AVL9: variants seen among roughly 807,000 people sequenced by gnomAD.
The protein encoded by AVL9 is AVL9 cell migration associated.
Under a neutral mutation model 79.2 loss-of-function variants are expected in AVL9, and 49 were observed. The observed-to-expected ratio is 0.62, with a 90% CI of 0.49 to 0.79. The LOEUF is 0.79. AVL9 is among the 30% of genes least tolerant of loss of function. AVL9 has a pLI of 0.00. For missense variants in AVL9, 682 were observed against 776.8 expected (o/e 0.88, Z 1.45); for synonymous variants, 299 against 280.6 (o/e 1.07, Z -0.65).
At chr7:32,558,452 G>T in intron 8 of AVL9, 107 bp from the exon 9 acceptor site, 1 of 813,896 alleles carries the variant, frequency 1.2e-6, no homozygotes, top group Non-Finnish European at 1.9e-6. Flanking sequence ...CACTGCGCCC[G>T]GCCAGCTGTT....
At chr7:32,506,763 A>G (rs758957154) in intron 1 of AVL9, among the ~76,000 whole-genome samples, 68 of 152,112 alleles carry the variant, frequency 4.5e-4, no homozygotes, top group Non-Finnish European at 9.0e-4. Flanking sequence ...AAAAAAAGAA[A>G]GTGAAACTGC....
In AVL9 at chr7:32,586,472, C is replaced by CCACACACA. The variant is rs1554350212; in HGVS notation, c.*2570_*2577dup. 16 of 142,958 alleles carry CCACACACA rather than the reference C, an allele frequency of 1.1e-4. No individual in the cohort carries two copies. Among genetic ancestry groups the CCACACACA allele is most frequent in the African/African-American group, 3.9e-4 (15 of 38,728 alleles). 8.9% of individuals were successfully genotyped at this position (142,958 alleles called of 1,614,324 possible). On this transcript the variant is annotated 3_prime_UTR_variant, in exon 16 of 16. Coordinates refer to ENST00000318709, the MANE Select transcript of AVL9 (RefSeq NM_015060.3). Reference sequence around the variant, plus strand: ...CCCCTGGTCCTGTGACCCCCCCCCCCCACACACACACATACTTCAGGCTTG... The same window carrying CCACACACA: ...CCCCTGGTCCTGTGACCCCCCCCCCCCACACACACACACACACACATACTTCAGGCTTG...
chr7:32,515,472 C>T lies in AVL9; in HGVS notation c.93+19670C>T, dbSNP rs112694595. ...CAAAGTGTATTTTGCTGTACAACTC[C>T]TTTTCTAGAGTTTTACTTGCTTCCA... On this transcript the variant is annotated intron_variant, in intron 1 of 15. Coordinates refer to ENST00000318709, the MANE Select transcript of AVL9 (RefSeq NM_015060.3). Among the ~76,000 whole-genome samples the T allele has an allele frequency of 3.4e-3, 512 of 152,288 alleles. 1 individual carries two copies. The highest frequency in any genetic ancestry group is 6.8e-3 in the Middle Eastern group (2 of 294).
Position 32,495,511 on chromosome 7 carries a change from C to G in AVL9, c.-199C>G. The stretch of plus-strand genomic sequence containing the variant: ...GCCGTGTCAGGTGACAGCCCGGAAG[C>G]TGCGGAAGCGGATGAGGGAAGGGCG... On this transcript the variant is annotated 5_prime_UTR_variant, in exon 1 of 16. Transcript: ENST00000318709. The G allele has an allele frequency of 2.5e-6, 1 of 392,900 alleles. No individual in the cohort carries two copies. The highest frequency in any genetic ancestry group is 4.5e-6 in the Non-Finnish European group (1 of 222,002). The allele number at this position is 392,900 out of a possible 1,614,324, so 24.3% of individuals were successfully genotyped here.
chr7:32,548,140 ATC>A (rs1207730971), intron 3 of AVL9, among the ~76,000 whole-genome samples: 1 of 72,694 alleles, frequency 1.4e-5, no homozygotes, highest in African/African-American at 5.3e-5. Flanking sequence ...TGTTTTTGTC[ATC>A]TCTTTTTTCT....
intron 10 of AVL9, among the ~76,000 whole-genome samples, chr7:32,568,785 T>C (rs546540484): frequency 6.6e-6 from 1 of 152,306 alleles, no homozygotes; most frequent in Non-Finnish European, 1.5e-5. Flanking sequence ...AAACATACTT[T>C]TTAGTTTTGT....
chr7:32,508,994 T>C (rs970458512), intron 1 of AVL9, among the ~76,000 whole-genome samples: 1 of 152,246 alleles, frequency 6.6e-6, no homozygotes, highest in Non-Finnish European at 1.5e-5. Flanking sequence ...AAATATCTTT[T>C]GGAGTTTTGA....
At position 32,579,583 on chromosome 7, in the gene AVL9, A is replaced by ATG. The variant is rs1554348236; in HGVS notation, c.1689-635_1689-634insGT. ...TATATTATATATTATATTATATATTATATATTATATATTATATATTATATT... is the reference window on the plus strand; with the variant it reads ...TATATTATATATTATATTATATATTATGTATATTATATATTATATATTATATT... On this transcript the variant is annotated intron_variant, in intron 13 of 15. Transcript: ENST00000318709. Among the ~76,000 whole-genome samples, 17 of 12,976 alleles carry ATG rather than the reference A, an allele frequency of 1.3e-3. 2 individuals are homozygous for ATG. The highest frequency in any genetic ancestry group is 5.8e-3 in the Admixed American group (3 of 520). 8.5% of individuals were successfully genotyped at this position (12,976 alleles called of 152,430 possible).
intron 1 of AVL9, among the ~76,000 whole-genome samples, chr7:32,513,435 T>A (rs1325744142): frequency 2.0e-5 from 3 of 152,340 alleles, no homozygotes; most frequent in African/African-American, 7.2e-5. Flanking sequence ...TGATAAAACC[T>A]CCGCAACCCC....
At chr7:32,579,357 T>C (rs1220077110) in intron 13 of AVL9, among the ~76,000 whole-genome samples, 1 of 87,150 alleles carries the variant, frequency 1.1e-5, no homozygotes, top group Non-Finnish European at 2.1e-5. Flanking sequence ...TTATATAATA[T>C]ATAACATATA....
At chr7:32,579,586 TATTA>T (rs1306902859) in intron 13 of AVL9, among the ~76,000 whole-genome samples, 4 of 10,428 alleles carry the variant, frequency 3.8e-4, no homozygotes, top group African/African-American at 7.3e-4. Context: ...ATATATTATA[TATTA>T]TATATTATAT....
In AVL9 at chr7:32,587,469, C is replaced by T. The variant is rs1791848447; in HGVS notation, c.*3562C>T. The T allele has an allele frequency of 6.6e-6, 1 of 152,230 alleles. No homozygotes were observed. Among genetic ancestry groups the T allele is most frequent in the Non-Finnish European group, 1.5e-5 (1 of 68,052 alleles). 9.4% of individuals were successfully genotyped at this position (152,230 alleles called of 1,614,324 possible). Reference sequence around the variant, plus strand: ...AGAGCCAGTGATGAGTGTGGGAGCACTTCAGCTCTGTAAGGGGCCAGCGTT... The same window carrying T: ...AGAGCCAGTGATGAGTGTGGGAGCATTTCAGCTCTGTAAGGGGCCAGCGTT... On this transcript the variant is annotated 3_prime_UTR_variant, in exon 16 of 16. Transcript: ENST00000318709.
chr7:32,525,444 C>T (rs762595059), intron 1 of AVL9, among the ~76,000 whole-genome samples: 3 of 152,140 alleles, frequency 2.0e-5, no homozygotes, highest in Non-Finnish European at 4.4e-5. Flanking sequence ...AATCATCAGG[C>T]AAAGTATAAT....
chr7:32,496,603 CTG>C (rs1786825675), intron 1 of AVL9, among the ~76,000 whole-genome samples: 1 of 152,188 alleles, frequency 6.6e-6, no homozygotes, highest in African/African-American at 2.4e-5. Flanking sequence ...CAAGCAAACA[CTG>C]GAAGGGAATG....
intron 2 of AVL9, among the ~76,000 whole-genome samples, chr7:32,544,024 G>T (rs1409728115): frequency 6.6e-5 from 10 of 151,784 alleles, no homozygotes; most frequent in Non-Finnish European, 1.5e-4. Context: ...CTTCCCAGTA[G>T]CTGTGGTTAT....
At chr7:32,526,549 AC>A (rs1425927100) in intron 1 of AVL9, among the ~76,000 whole-genome samples, 3 of 152,046 alleles carry the variant, frequency 2.0e-5, no homozygotes, top group Non-Finnish European at 2.9e-5. Flanking sequence ...AAAAACACTT[AC>A]CCTTTTGTCA....
Position 32,496,694 on chromosome 7 carries a change from A to G in AVL9, c.93+892A>G, listed in dbSNP as rs146958290. Among the ~76,000 whole-genome samples the G allele has an allele frequency of 6.8e-4, 103 of 152,372 alleles. 1 individual carries two copies. In the East Asian group the frequency reaches 0.018, roughly 26 times the overall value. ...AAATAGTAATTGCCACCACTAGCTA[A>G]TGAAGCATTTAGTTTCTTGCATTCC... On this transcript the variant is annotated intron_variant, in intron 1 of 15. Coordinates refer to ENST00000318709, the MANE Select transcript of AVL9 (RefSeq NM_015060.3).
chr7:32,511,646 AGCTGGGCAGGGAGTTCCGGGAGGTAGGGT>A (rs1454480517), intron 1 of AVL9, among the ~76,000 whole-genome samples: 92 of 152,098 alleles, frequency 6.0e-4, no homozygotes, highest in African/African-American at 2.0e-3. Flanking sequence ...ACAGAGGAAG[AGCTGGGCAGGGAGTTCCGGGAGGTAGGGT>A]GCTGGGAAGG....
chr7:32,501,637 A>G (rs1298047980), intron 1 of AVL9, among the ~76,000 whole-genome samples: 1 of 152,190 alleles, frequency 6.6e-6, no homozygotes, highest in Non-Finnish European at 1.5e-5. Flanking sequence ...GTGGGTGTCA[A>G]CTTGTGTACT....
Sources: allele counts gnomAD v4.1 joint callset (sites outside exome capture counted in the v4.1 genomes callset), GRCh38; gene constraint gnomAD v4.1.1; transcripts MANE v1.5; gene names NCBI Gene and HGNC (gene_info 2026-07-23, HGNC 2026-07-21).